The following KRT8 variants were observed in gnomAD, a reference collection of about 807,000 sequenced individuals.
KRT8 encodes keratin, type II cytoskeletal 8.
Under a neutral mutation model 43.0 loss-of-function variants are expected in KRT8, and 24 were observed. The ratio of observed to expected loss-of-function variants is 0.56; its 90% CI spans 0.40 to 0.78. KRT8 has a LOEUF of 0.78. KRT8 is among the 30% of genes least tolerant of loss of function. The pLI, the probability that KRT8 is intolerant of heterozygous loss-of-function variation, is 0.00. For synonymous variants in KRT8, 214 were observed against 261.2 expected (o/e 0.82, Z 1.74); for missense variants, 492 against 638.4 (o/e 0.77, Z 2.47).
chr12:52,899,488 T>C (rs918984663), intron 5 of KRT8, among the ~76,000 whole-genome samples: 29 of 151,990 alleles, frequency 1.9e-4, no homozygotes, highest in African/African-American at 5.8e-4. Context: ...AGCTCAACCT[T>C]ACCCTGATGC....
chr12:52,937,041 T>C (rs541333338), intron 2 of KRT8, among the ~76,000 whole-genome samples: 1 of 152,204 alleles, frequency 6.6e-6, no homozygotes, highest in African/African-American at 2.4e-5. Context: ...CCAAATTTTT[T>C]AAATGGGCAA....
chr12:52,926,332 G>GCCCAGC, intron 2 of KRT8: 1 of 600,278 alleles, frequency 1.7e-6, no homozygotes, highest in Non-Finnish European at 3.0e-6. Context: ...GGCACTAGCT[G>GCCCAGC]CCCTCCCCAC....
chr12:52,899,046 G>T, intron 5 of KRT8, 147 bp from the exon 6 acceptor site: 4 of 731,974 alleles, frequency 5.5e-6, no homozygotes, highest in South Asian at 4.7e-5. Context: ...CGGGCACAGT[G>T]GCTCATGCCT....
At chr12:52,906,134 G>A (rs546853910), upstream of KRT8, among the ~76,000 whole-genome samples, 4 of 152,262 alleles carry the variant, frequency 2.6e-5, no homozygotes, top group African/African-American at 9.6e-5. Flanking sequence ...CATAACCCAG[G>A]GGCTTCCTCT....
chr12:52,934,416 C>T (rs1942132927), intron 2 of KRT8, among the ~76,000 whole-genome samples: 1 of 151,568 alleles, frequency 6.6e-6, no homozygotes, highest in Admixed American at 6.6e-5. Flanking sequence ...CAAAAAATAG[C>T]CAGGATGGTG....
intron 4 of KRT8, 32 bp from the exon 5 acceptor site, chr12:52,900,097 T>A (rs746296620): frequency 1.2e-6 from 2 of 1,609,458 alleles, no homozygotes; most frequent in South Asian, 1.1e-5. Context: ...GGTGAGGCCC[T>A]GTCTCTGCAC....
intron 2 of KRT8, among the ~76,000 whole-genome samples, chr12:52,945,607 G>A (rs1942331197): frequency 6.6e-6 from 1 of 152,148 alleles, no homozygotes; most frequent in Admixed American, 6.5e-5. Flanking sequence ...AATGTGGAGT[G>A]GGCAGTAAGA....
intron 2 of KRT8, among the ~76,000 whole-genome samples, chr12:52,937,707 A>G (rs931116408): frequency 6.7e-6 from 1 of 149,992 alleles, no homozygotes; most frequent in African/African-American, 2.5e-5. Context: ...AAAAAAGAAG[A>G]AGAAAACAGG....
intron 2 of KRT8, among the ~76,000 whole-genome samples, chr12:52,942,233 A>C (rs543302040): frequency 6.6e-6 from 1 of 152,286 alleles, no homozygotes; most frequent in Non-Finnish European, 1.5e-5. Flanking sequence ...GCCCTATCAT[A>C]CATGCTTAAT....
intron 2 of KRT8, chr12:52,926,331 T>TGG: frequency 1.0e-5 from 7 of 701,170 alleles, no homozygotes; most frequent in Non-Finnish European, 1.2e-5. Context: ...TGGCACTAGC[T>TGG]GCCCTCCCCA....
rs1222428362 is a variant in KRT8, at chr12:52,925,741, G to A, written c.-46-20714C>T. 2.0e-5 allele frequency among the ~76,000 whole-genome samples: 3 copies of A among 152,188 alleles called. No homozygotes were observed. In the East Asian group the frequency reaches 5.8e-4, roughly 29 times the overall value. On this transcript the variant is annotated intron_variant, in intron 2 of 6. Coordinates refer to the KRT8 transcript ENST00000546826. ...ATACTATCACCTCAATTATCCCTCTGTTCCTGAGTTCTAGGGTTTATGCAC... is the reference window on the plus strand; with the variant it reads ...ATACTATCACCTCAATTATCCCTCTATTCCTGAGTTCTAGGGTTTATGCAC...
chr12:52,913,847 C>T (rs1158851459), intron 2 of KRT8, among the ~76,000 whole-genome samples: 1 of 152,234 alleles, frequency 6.6e-6, no homozygotes, highest in African/African-American at 2.4e-5. Context: ...CATCCAAACT[C>T]AAATACACGG....
At chr12:52,906,046 A>T (rs1475071990), upstream of KRT8, among the ~76,000 whole-genome samples, 1 of 152,082 alleles carries the variant, frequency 6.6e-6, no homozygotes, top group African/African-American at 2.4e-5. Flanking sequence ...GTGCCACTGC[A>T]CTCCAGCCTG....
chr12:52,901,978 A>T, exon 2 of KRT8: 1 of 1,606,974 alleles, frequency 6.2e-7, no homozygotes, highest in Non-Finnish European at 8.5e-7. Flanking sequence ...GTAGCTCTCG[A>T]ACATGTTGTC....
chr12:52,897,643 A>C, intron 7 of KRT8, 25 bp from the exon 8 acceptor site: 1 of 1,597,786 alleles, frequency 6.3e-7, no homozygotes, highest in Non-Finnish European at 8.5e-7. Flanking sequence ...AGGTAGCCAC[A>C]TGAGTACAGA....
chr12:52,948,494 C>CT (rs375720808), intron 2 of KRT8: 2,700 of 110,832 alleles, frequency 0.024, 138 homozygotes, highest in African/African-American at 0.056. Context: ...TTTCTTTTTT[C>CT]TTTTTTTTTT....
Position 52,918,189 on chromosome 12 carries a change from A to AGAAGAAGAAGAAGAG in KRT8, c.-46-13163_-46-13162insCTCTTCTTCTTCTTC, listed in dbSNP as rs1941803273. 1.5e-4 allele frequency among the ~76,000 whole-genome samples: 18 copies of AGAAGAAGAAGAAGAG among 120,502 alleles called. 1 individual carries two copies. Among genetic ancestry groups the AGAAGAAGAAGAAGAG allele is most frequent in the African/African-American group, 5.5e-4 (16 of 28,838 alleles). The allele number at this position is 120,502 out of a possible 152,430, so 79.1% of individuals were successfully genotyped here. A position where few individuals can be genotyped will look rare whatever the true frequency, so the allele number is the denominator to read the frequency against. Reference sequence around the variant, plus strand: ...AAGAAGAAGAGGAAGAGGAAGAAGAAGAAGAAGAAGAAGAACAAGAAGAAG... The same window carrying AGAAGAAGAAGAAGAG: ...AAGAAGAAGAGGAAGAGGAAGAAGAAGAAGAAGAAGAAGAGGAAGAAGAAGAAGAACAAGAAGAAG... On this transcript the variant is annotated intron_variant, in intron 2 of 6. Transcript: ENST00000546826.
At chr12:52,918,173 AGG>A (rs1941794438) in intron 2 of KRT8, among the ~76,000 whole-genome samples, 10 of 125,948 alleles carry the variant, frequency 7.9e-5, no homozygotes, top group African/African-American at 2.9e-4. Context: ...GAAGAAGAAG[AGG>A]AAGAGGAAGA....
chr12:52,898,717 G>A (rs770961214), exon 6 of KRT8: 21 of 1,614,204 alleles, frequency 1.3e-5, no homozygotes, highest in East Asian at 2.2e-5. Context: ...TGTAGGTGGC[G>A]ATCTCGATGT....
Sources: allele counts gnomAD v4.1 joint callset (sites outside exome capture counted in the v4.1 genomes callset), GRCh38; gene constraint gnomAD v4.1.1; transcripts MANE v1.5; gene names NCBI Gene and HGNC (gene_info 2026-07-23, HGNC 2026-07-21).